The following EQTN variants were observed in gnomAD, a reference collection of about 807,000 sequenced individuals.
EQTN encodes Acrosome formation associated factor.
A neutral mutation model predicts 26.9 loss-of-function variants in EQTN; 29 were observed. The ratio of observed to expected loss-of-function variants is 1.08; its 90% CI spans 0.80 to 1.47. The LOEUF is 1.47. EQTN is among the 40% of genes most tolerant of loss of function. The probability of loss-of-function intolerance (pLI) is 0.00; values close to 1 mark genes in which losing one functional copy is unlikely to be tolerated. For synonymous variants in EQTN, 129 were observed against 120.0 expected (o/e 1.07, Z -0.49); for missense variants, 391 against 346.1 (o/e 1.13, Z -1.03).
rs1244622632 is a variant in EQTN at position 27,296,649 on chromosome 9, C to G, written c.166G>C (p.Glu56Gln). 4 of 1,577,326 alleles carry G rather than the reference C, an allele frequency of 2.5e-6. No individual in the cohort carries two copies. The highest frequency in any genetic ancestry group is 3.5e-6 in the Non-Finnish European group (4 of 1,150,712). ...DHTPNYAPANEKNGNYYKDIK... is the reference protein window; with the variant it reads ...DHTPNYAPANQKNGNYYKDIK... ...TCTTTATAATAATTGCCATTTTTCT[C>G]ATTAGCAGGAGCATAATTGGGAGTA... Residue 56 changes from glutamate to glutamine, a missense_variant, in exon 2 of 8, where the codon GAG becomes CAG. By Grantham distance (29) the Glu-to-Gln change is conservative. Transcript: ENST00000380032.
chr9:27,284,953 G>T lies in EQTN; in HGVS notation c.655C>A (p.Gln219Lys). 6.2e-7 allele frequency: 1 copy of T among 1,612,936 alleles called. No homozygotes were observed. The highest frequency in any genetic ancestry group is 8.5e-7 in the Non-Finnish European group (1 of 1,179,676). Residue 219 changes from glutamine (Q) to lysine (K), a missense_variant, in exon 8 of 8, where the codon CAG (glutamine) becomes AAG (lysine). Gln to Lys is a moderately conservative substitution (Grantham distance 53). Transcript: ENST00000380032. ...GCCAGCTCTGGGTTGACAGAGTACT[G>T]ACTCTCACAACTTTTATAACTGAAG... ...RHLSYKSCES[Q>K]YSVNPELATM... is the part of the protein sequence containing the mutation.
intron 3 of EQTN, among the ~76,000 whole-genome samples, chr9:27,293,490 T>A (rs1220626227): frequency 1.3e-5 from 2 of 152,144 alleles, no homozygotes; most frequent in Non-Finnish European, 2.9e-5. Context: ...TCTCCTTCTG[T>A]CAGAGCCCCG....
chr9:27,288,264 C>T (rs1337840909), intron 6 of EQTN, among the ~76,000 whole-genome samples: 1 of 152,188 alleles, frequency 6.6e-6, no homozygotes, highest in East Asian at 1.9e-4. Context: ...TGAAATTTTC[C>T]ATTCAAATTA....
chr9:27,294,350 T>A lies in EQTN; in HGVS notation c.255A>T (p.Arg85Ser), dbSNP rs750141509. 19 of 1,611,534 alleles carry A rather than the reference T, an allele frequency of 1.2e-5. No homozygotes were observed. In the South Asian group the frequency reaches 2.1e-4, roughly 18 times the overall value. Reference sequence around the variant, plus strand: ...GAGCAAAATTCAGGTCAGTTGTGGCTCTCACAGATATTTCAGACTCAGTGC... The same window carrying A: ...GAGCAAAATTCAGGTCAGTTGTGGCACTCACAGATATTTCAGACTCAGTGC... The part of the protein sequence containing the change: ...PNGTESEISV[R>S]ATTDLNFALK... The change falls in exon 3 of 8, where the codon AGA becomes AGT. Residue 85 changes from arginine (R) to serine (S), a missense_variant. Coordinates refer to ENST00000380032, the MANE Select transcript of EQTN (RefSeq NM_020641.3).
At chr9:27,289,832 C>T in intron 5 of EQTN, 101 bp from the exon 6 acceptor site, 1 of 868,150 alleles carries the variant, frequency 1.2e-6, no homozygotes, top group Non-Finnish European at 1.8e-6. Flanking sequence ...AGTGTGTGTA[C>T]AGTCTGTTCT....
intron 6 of EQTN, among the ~76,000 whole-genome samples, chr9:27,287,437 A>G (rs901977226): frequency 3.9e-5 from 6 of 152,226 alleles, no homozygotes; most frequent in African/African-American, 1.2e-4. Flanking sequence ...ATGTGTGCTC[A>G]TAGTACATCT....
intron 3 of EQTN, among the ~76,000 whole-genome samples, chr9:27,293,559 C>T (rs927240067): frequency 2.0e-5 from 3 of 152,078 alleles, no homozygotes; most frequent in Non-Finnish European, 4.4e-5. Flanking sequence ...CCTCTGGGGG[C>T]CTGAATTGTG....
At chr9:27,295,289 C>T (rs932360545) in intron 2 of EQTN, among the ~76,000 whole-genome samples, 2 of 152,036 alleles carry the variant, frequency 1.3e-5, no homozygotes, top group Non-Finnish European at 2.9e-5. Context: ...AAAGTCACAA[C>T]CCAACACTCA....
At chr9:27,292,144 G>A (rs1473920954) in intron 4 of EQTN, 1 of 226,230 alleles carries the variant, frequency 4.4e-6, no homozygotes, top group Non-Finnish European at 8.5e-6. Context: ...ATTTAATATA[G>A]ACACAAATGT....
At chr9:27,285,895 A>G (rs550271046) in intron 7 of EQTN, among the ~76,000 whole-genome samples, 1 of 152,324 alleles carries the variant, frequency 6.6e-6, no homozygotes, top group South Asian at 2.1e-4. Flanking sequence ...ATTAGATGCT[A>G]AGCAGATATG....
Position 27,297,092 on chromosome 9 carries a change from G to A in EQTN, c.-37C>T, listed in dbSNP as rs768268442. The A allele has an allele frequency of 1.7e-5, 25 of 1,467,432 alleles. No individual in the cohort carries two copies. Among genetic ancestry groups the A allele is most frequent in the East Asian group, 9.2e-5 (4 of 43,450 alleles). 90.9% of individuals were successfully genotyped at this position (1,467,432 alleles called of 1,614,324 possible). ...AGTGATTTATCCAGTAATCTAGTGC[G>A]TCTACCCAGAGCCTCCTTTCTGTGG... On this transcript the variant is annotated 5_prime_UTR_variant, in exon 1 of 8. In the 5' UTR this introduces an upstream ATG that the reference lacks. Coordinates refer to ENST00000380032, the MANE Select transcript of EQTN (RefSeq NM_020641.3).
chr9:27,287,651 T>C (rs1316227343), intron 6 of EQTN, among the ~76,000 whole-genome samples: 3 of 152,232 alleles, frequency 2.0e-5, no homozygotes, highest in African/African-American at 4.8e-5. Context: ...ACACGTAGTA[T>C]GTGCTCAATA....
At chr9:27,296,825 G>A in intron 1 of EQTN, 87 bp from the exon 2 acceptor site, 1 of 1,570,714 alleles carries the variant, frequency 6.4e-7, no homozygotes, top group Non-Finnish European at 8.6e-7. Context: ...TTTTCACAAA[G>A]GATTAGAGGC....
chr9:27,293,241 C>A (rs1166012176), intron 3 of EQTN, among the ~76,000 whole-genome samples: 1 of 152,144 alleles, frequency 6.6e-6, no homozygotes, highest in Non-Finnish European at 1.5e-5. Flanking sequence ...GAAAGGGAAT[C>A]AGTTACTGGA....
At position 27,297,108 on chromosome 9, in the gene EQTN, C is replaced by A; in HGVS notation, c.-53G>T. On this transcript the variant is annotated 5_prime_UTR_variant, in exon 1 of 8. It adds an upstream start codon to the 5' untranslated region. Transcript: ENST00000380032. Reference sequence around the variant, plus strand: ...ATCTAGTGCGTCTACCCAGAGCCTCCTTTCTGTGGCCCAGCAGGTCCTGTG... The same window carrying A: ...ATCTAGTGCGTCTACCCAGAGCCTCATTTCTGTGGCCCAGCAGGTCCTGTG... 1 of 1,283,608 alleles carries A rather than the reference C, an allele frequency of 7.8e-7. No homozygotes were observed. The allele number at this position is 1,283,608 out of a possible 1,614,324, so 79.5% of individuals were successfully genotyped here.
intron 2 of EQTN, among the ~76,000 whole-genome samples, chr9:27,295,795 G>T (rs914200946): frequency 1.7e-5 from 2 of 118,922 alleles, no homozygotes; most frequent in African/African-American, 6.7e-5. Flanking sequence ...TTGCGCCACT[G>T]CACTCCAGCC....
rs534342710 is a variant in EQTN, at chr9:27,289,717, C to A, written c.436G>T (p.Ala146Ser). The change falls in exon 6 of 8, where the codon GCA becomes TCA. Residue 146 changes from alanine to serine, a missense_variant. Transcript: ENST00000380032. ...TMLAKAINGT[A>S]VVMDDKDQLF... ...TGATCTTTATCATCCATGACCACTG[C>A]TGTTCCATTTATAGCTGTTAAAACA... 1 of 1,605,498 alleles carries A rather than the reference C, an allele frequency of 6.2e-7. No individual in the cohort carries two copies. Among genetic ancestry groups the A allele is most frequent in the Non-Finnish European group, 8.5e-7 (1 of 1,175,666 alleles).
chr9:27,296,121 T>C (rs539953730), intron 2 of EQTN, among the ~76,000 whole-genome samples: 12 of 152,162 alleles, frequency 7.9e-5, no homozygotes, highest in Admixed American at 7.9e-4. Flanking sequence ...GGCAACATGA[T>C]GAAACACCGT....
rs10119105 is a variant in EQTN, at chr9:27,288,321, A to G, written c.481+1351T>C. Among the ~76,000 whole-genome samples the G allele has an allele frequency of 2.0e-3, 310 of 152,336 alleles. 1 individual carries two copies. The highest frequency in any genetic ancestry group is 6.6e-3 in the African/African-American group (276 of 41,572). On this transcript the variant is annotated intron_variant, in intron 6 of 7. Coordinates refer to ENST00000380032, the MANE Select transcript of EQTN (RefSeq NM_020641.3). Reference sequence around the variant, plus strand: ...TAATTAAGCCATTAAGGAAAACTCTATCCAGCAACAGGAGCTCACATTGAT... The same window carrying G: ...TAATTAAGCCATTAAGGAAAACTCTGTCCAGCAACAGGAGCTCACATTGAT...
Sources: gnomAD v4.1 joint callset for allele counts (sites outside exome capture counted in the v4.1 genomes callset) on GRCh38, gnomAD v4.1.1 for gene constraint, MANE v1.5 for transcripts, NCBI Gene and HGNC (gene_info 2026-07-23, HGNC 2026-07-21) for gene names.